The following GADL1 variants were observed in gnomAD, a reference collection of about 807,000 sequenced individuals.
GADL1 encodes GAD like acidic amino acid decarboxylase 1, also known as acidic amino acid decarboxylase GADL1.
Under a neutral mutation model 69.5 loss-of-function variants are expected in GADL1, and 71 were observed. The ratio of observed to expected loss-of-function variants is 1.02; its 90% CI spans 0.84 to 1.25. The LOEUF is 1.25. Among genes scored for constraint, GADL1 ranks in the 50% most tolerant of loss-of-function variants. GADL1 has a pLI of 0.00. For missense variants in GADL1, 737 were observed against 631.8 expected, an observed-to-expected ratio of 1.17 and a Z score of -1.79; for synonymous variants, 254 against 214.4, an observed-to-expected ratio of 1.18 and a Z score of -1.62.
chr3:30,857,199 T>G, intron 2 of GADL1, 58 bp from the exon 3 acceptor site: 9 of 1,483,462 alleles, frequency 6.1e-6, no homozygotes, highest in Non-Finnish European at 7.3e-6. Context: ...ATTGAGAGGA[T>G]GTTACAAACG....
intron 1 of GADL1, among the ~76,000 whole-genome samples, chr3:30,891,734 G>A (rs942889809): frequency 6.6e-5 from 10 of 152,084 alleles, no homozygotes; most frequent in Middle Eastern, 3.4e-3. Context: ...TTTGTAGTTC[G>A]GCACAGCAAT....
At chr3:30,766,573 G>C (rs80345417) in intron 14 of GADL1, among the ~76,000 whole-genome samples, 3,384 of 151,934 alleles carry the variant, frequency 0.022, 108 homozygotes, top group African/African-American at 0.072. Context: ...TTCTCTTAAT[G>C]AGGAAACAGG....
intron 11 of GADL1, among the ~76,000 whole-genome samples, chr3:30,832,945 C>T (rs564537818): frequency 1.3e-5 from 2 of 151,976 alleles, no homozygotes; most frequent in African/African-American, 2.4e-5. Flanking sequence ...ACGCACAGGG[C>T]ACTAACATAA....
chr3:30,854,862 A>C, intron 3 of GADL1, 73 bp from the exon 4 acceptor site: 1 of 744,996 alleles, frequency 1.3e-6, no homozygotes, highest in Non-Finnish European at 2.2e-6. Flanking sequence ...ATTAACATAA[A>C]TGAATCTTTC....
intron 11 of GADL1, among the ~76,000 whole-genome samples, chr3:30,825,362 C>T (rs1697664864): frequency 6.6e-6 from 1 of 151,882 alleles, no homozygotes; most frequent in South Asian, 2.1e-4. Context: ...AATCTATTTT[C>T]AACTTCTGAG....
chr3:30,765,651 G>A (rs139633596), intron 14 of GADL1, among the ~76,000 whole-genome samples: 4 of 152,154 alleles, frequency 2.6e-5, no homozygotes, highest in Non-Finnish European at 5.9e-5. Context: ...AAAACTCTGG[G>A]TAATTTTGAA....
At chr3:30,858,511 A>G (rs1171728968) in intron 2 of GADL1, among the ~76,000 whole-genome samples, 1 of 151,976 alleles carries the variant, frequency 6.6e-6, no homozygotes. Flanking sequence ...AAAATGCAGA[A>G]TCACTAGAAC....
intron 7 of GADL1, 58 bp from the exon 8 acceptor site, chr3:30,844,322 C>T (rs926373544): frequency 6.4e-7 from 1 of 1,557,234 alleles, no homozygotes; most frequent in African/African-American, 1.4e-5. Flanking sequence ...GATAATGATA[C>T]TGCTTTATAA....
At chr3:30,730,408 T>C (rs1695438533) in intron 14 of GADL1, among the ~76,000 whole-genome samples, 1 of 152,186 alleles carries the variant, frequency 6.6e-6, no homozygotes, top group Non-Finnish European at 1.5e-5. Flanking sequence ...GCAAGAGAAC[T>C]GTAAAAGCTT....
chr3:30,841,835 T>C (rs1054178123), intron 8 of GADL1, among the ~76,000 whole-genome samples: 1 of 152,104 alleles, frequency 6.6e-6, no homozygotes, highest in African/African-American at 2.4e-5. Context: ...GGATGTCTCC[T>C]GATGGCAGGA....
chr3:30,769,199 C>A (rs1484331866), intron 14 of GADL1, among the ~76,000 whole-genome samples: 1 of 152,170 alleles, frequency 6.6e-6, no homozygotes, highest in African/African-American at 2.4e-5. Flanking sequence ...GCTCCCACAG[C>A]CCCAAAGCAT....
At chr3:30,886,152 A>G (rs1575248570) in intron 1 of GADL1, among the ~76,000 whole-genome samples, 1 of 152,134 alleles carries the variant, frequency 6.6e-6, no homozygotes, top group Non-Finnish European at 1.5e-5. Context: ...GACAACATCA[A>G]TTTTTACCAA....
intron 14 of GADL1, among the ~76,000 whole-genome samples, chr3:30,756,691 G>A (rs1464813601): frequency 1.3e-5 from 2 of 152,198 alleles, no homozygotes; most frequent in African/African-American, 4.8e-5. Flanking sequence ...TTGGGAAGTA[G>A]AGATCATGCG....
At chr3:30,881,344 C>T (rs1698638555) in intron 1 of GADL1, among the ~76,000 whole-genome samples, 1 of 151,872 alleles carries the variant, frequency 6.6e-6, no homozygotes, top group Non-Finnish European at 1.5e-5. Context: ...TACTTAAACT[C>T]TTATAGTAGA....
chr3:30,741,070 A>T (rs1428777096), intron 14 of GADL1, among the ~76,000 whole-genome samples: 2 of 129,146 alleles, frequency 1.5e-5, no homozygotes, highest in South Asian at 2.3e-4. Flanking sequence ...AAATGTTTGT[A>T]TAAATATATA....
At chr3:30,730,457 C>T (rs1426197232) in intron 14 of GADL1, among the ~76,000 whole-genome samples, 2 of 152,146 alleles carry the variant, frequency 1.3e-5, no homozygotes, top group Non-Finnish European at 2.9e-5. Flanking sequence ...GATCGCTACA[C>T]AGGTGTCTGA....
At chr3:30,771,643 A>G (rs1696421837) in intron 14 of GADL1, among the ~76,000 whole-genome samples, 1 of 152,224 alleles carries the variant, frequency 6.6e-6, no homozygotes. Flanking sequence ...CTGTAGCATA[A>G]GGTTTAAAAA....
intron 14 of GADL1, among the ~76,000 whole-genome samples, chr3:30,757,061 G>A (rs1343256960): frequency 6.6e-6 from 1 of 152,148 alleles, no homozygotes; most frequent in Non-Finnish European, 1.5e-5. Flanking sequence ...GGTGTTGGTG[G>A]TAGTCACAAC....
chr3:30,762,245 T>TTGA (rs1209097707), intron 14 of GADL1, among the ~76,000 whole-genome samples: 1 of 152,198 alleles, frequency 6.6e-6, no homozygotes, highest in Non-Finnish European at 1.5e-5. Context: ...GTGAATTATG[T>TTGA]TGAGAAGGTT....
Sources: gnomAD v4.1 joint callset for allele counts (sites outside exome capture counted in the v4.1 genomes callset) on GRCh38, gnomAD v4.1.1 for gene constraint, MANE v1.5 for transcripts, NCBI Gene and HGNC (gene_info 2026-07-23, HGNC 2026-07-21) for gene names.